SEMA3A: variants seen among roughly 807,000 people sequenced by gnomAD.
SEMA3A encodes the protein semaphorin-3A.
A neutral mutation model predicts 97.9 loss-of-function variants in SEMA3A; 29 were observed. That is an observed-to-expected ratio of 0.30 (90% CI 0.22 to 0.40). SEMA3A has a LOEUF of 0.40. Ranked by LOEUF, SEMA3A falls within the 10% of genes least tolerant of loss-of-function variation. The probability of loss-of-function intolerance (pLI) is 1.00; values close to 1 mark genes in which losing one functional copy is unlikely to be tolerated. For missense variants in SEMA3A, 763 were observed against 951.3 expected (o/e 0.80, Z 2.60); for synonymous variants, 321 against 323.7 (o/e 0.99, Z 0.09).
chr7:84,151,976 T>G (rs1413064265), intron 1 of SEMA3A, among the ~76,000 whole-genome samples: 1 of 150,634 alleles, frequency 6.6e-6, no homozygotes, highest in Non-Finnish European at 1.5e-5. Flanking sequence ...GAAATGCAAA[T>G]CAAAACCACA....
chr7:84,029,200 C>A (rs984655322), intron 6 of SEMA3A, among the ~76,000 whole-genome samples: 1 of 152,104 alleles, frequency 6.6e-6, no homozygotes, highest in Non-Finnish European at 1.5e-5. Context: ...TCTACTAAAT[C>A]GTGACCTATG....
At position 83,977,437 on chromosome 7, in the gene SEMA3A, T is replaced by C. The variant is rs545039850; in HGVS notation, c.1653-241A>G. On this transcript the variant is annotated intron_variant, in intron 14 of 16. Coordinates refer to ENST00000265362, the MANE Select transcript of SEMA3A (RefSeq NM_006080.3). ...AAGATCCAAATGTACTAACAACATG[T>C]TAAAAGTCTTTAAAATAGTGATAAC... Among the ~76,000 whole-genome samples, 5 of 152,204 alleles carry C rather than the reference T, an allele frequency of 3.3e-5. No individual in the cohort carries two copies. In the South Asian group the frequency reaches 1.0e-3, roughly 32 times the overall value.
intron 7 of SEMA3A, among the ~76,000 whole-genome samples, chr7:84,011,795 T>C (rs776815499): frequency 2.0e-5 from 3 of 152,190 alleles, no homozygotes; most frequent in Non-Finnish European, 4.4e-5. Flanking sequence ...AGGTGATGGG[T>C]GTGTTAATTA....
At chr7:84,022,337 C>T (rs1791360505) in intron 6 of SEMA3A, among the ~76,000 whole-genome samples, 1 of 152,088 alleles carries the variant, frequency 6.6e-6, no homozygotes, top group African/African-American at 2.4e-5. Context: ...TCCAGTCACT[C>T]CCATTAAATG....
At chr7:84,158,880 T>C (rs1214626018) in intron 1 of SEMA3A, among the ~76,000 whole-genome samples, 2 of 149,178 alleles carry the variant, frequency 1.3e-5, no homozygotes, top group African/African-American at 4.9e-5. Flanking sequence ...AATTTGTAGA[T>C]TTTCTTTAAA....
chr7:84,135,506 T>C (rs1262827233), intron 1 of SEMA3A, among the ~76,000 whole-genome samples: 1 of 152,198 alleles, frequency 6.6e-6, no homozygotes, highest in Non-Finnish European at 1.5e-5. Flanking sequence ...ATAACTTGTC[T>C]ATACACACTG....
intron 1 of SEMA3A, among the ~76,000 whole-genome samples, chr7:84,488,021 T>G (rs1197168343): frequency 6.6e-6 from 1 of 152,030 alleles, no homozygotes; most frequent in Non-Finnish European, 1.5e-5. Flanking sequence ...ATGTGTTGGT[T>G]TAATAATTAT....
chr7:84,401,950 G>A (rs1015432118), intron 1 of SEMA3A, among the ~76,000 whole-genome samples: 4 of 152,118 alleles, frequency 2.6e-5, no homozygotes, highest in African/African-American at 9.7e-5. Flanking sequence ...GGCAAAGATT[G>A]TTTGAGCACC....
At chr7:84,299,732 A>G (rs528530584) in intron 3 of SEMA3A, among the ~76,000 whole-genome samples, 166 of 151,796 alleles carry the variant, frequency 1.1e-3, no homozygotes, top group Non-Finnish European at 2.1e-3. Flanking sequence ...CCAAACTATA[A>G]ATGACATTCT....
intron 1 of SEMA3A, among the ~76,000 whole-genome samples, chr7:84,462,135 T>C (rs62471990): frequency 1.7e-3 from 263 of 152,256 alleles, no homozygotes; most frequent in Non-Finnish European, 3.3e-3. Context: ...TTAACATTTA[T>C]AAAGCATTTT....
rs540552539 is a variant in SEMA3A, at chr7:84,305,493, C to T, written c.-83+1714G>A. 2.0e-5 allele frequency among the ~76,000 whole-genome samples: 3 copies of T among 152,128 alleles called. No individual in the cohort carries two copies. In the South Asian group the frequency reaches 6.2e-4, roughly 32 times the overall value. Reference sequence around the variant, plus strand: ...TCATTGGTTGACTTCTATCCACTATCCTGTTTCAATTCAATGTGTATATTG... The same window carrying T: ...TCATTGGTTGACTTCTATCCACTATTCTGTTTCAATTCAATGTGTATATTG... On this transcript the variant is annotated intron_variant, in intron 3 of 3. Transcript: ENST00000424555.
intron 1 of SEMA3A, among the ~76,000 whole-genome samples, chr7:84,140,191 C>T (rs969347005): frequency 5.3e-5 from 8 of 152,230 alleles, no homozygotes; most frequent in African/African-American, 1.9e-4. Context: ...TTCACCCCTA[C>T]ATACCAAGAC....
Position 84,007,504 on chromosome 7 carries a change from A to C in SEMA3A, c.996-7T>G, listed in dbSNP as rs1000788432. The C allele has an allele frequency of 1.4e-5, 22 of 1,525,916 alleles. No homozygotes were observed. The highest frequency in any genetic ancestry group is 1.8e-5 in the Non-Finnish European group (20 of 1,133,836). 94.5% of individuals were successfully genotyped at this position (1,525,916 alleles called of 1,614,324 possible). The stretch of plus-strand genomic sequence containing the variant: ...TGATCCCTTGAAAATGTTACTGAAC[A>C]AGACAGCAAGAATAAAAACAGAAGT... On this transcript the variant is annotated splice_polypyrimidine_tract_variant and splice_region_variant and intron_variant, in intron 9 of 16. Transcript: ENST00000265362.
At chr7:84,150,368 G>A (rs1796597229) in intron 1 of SEMA3A, among the ~76,000 whole-genome samples, 1 of 152,176 alleles carries the variant, frequency 6.6e-6, no homozygotes, top group South Asian at 2.1e-4. Context: ...AGTGGGCGCA[G>A]GTCAGTGGGT....
intron 1 of SEMA3A, among the ~76,000 whole-genome samples, chr7:84,465,321 A>AT (rs1416089761): frequency 1.3e-5 from 2 of 152,092 alleles, no homozygotes; most frequent in Admixed American, 6.6e-5. Flanking sequence ...CAAATAACTC[A>AT]TTTTTTTCTC....
At chr7:84,365,451 T>A (rs1802824206) in intron 2 of SEMA3A, among the ~76,000 whole-genome samples, 1 of 150,946 alleles carries the variant, frequency 6.6e-6, no homozygotes, top group Admixed American at 6.7e-5. Flanking sequence ...GTCACAGAGC[T>A]CATAGGTATT....
intron 1 of SEMA3A, among the ~76,000 whole-genome samples, chr7:84,144,886 G>A (rs146730194): frequency 1.0e-3 from 158 of 152,226 alleles, no homozygotes; most frequent in Non-Finnish European, 1.7e-3. Flanking sequence ...CCTGGCTAGA[G>A]ATTTTCATTA....
chr7:84,180,873 T>C (rs2116235572), intron 1 of SEMA3A, among the ~76,000 whole-genome samples: 1 of 152,268 alleles, frequency 6.6e-6, no homozygotes, highest in Middle Eastern at 3.4e-3. Flanking sequence ...ACTCAAGATG[T>C]GGAGGCTATT....
intron 12 of SEMA3A, among the ~76,000 whole-genome samples, chr7:83,993,725 C>A (rs1309670587): frequency 4.7e-5 from 5 of 105,328 alleles, no homozygotes; most frequent in Admixed American, 9.9e-5. Context: ...GTAACCCGAC[C>A]TTTCTCTCTG....
Sources: allele counts gnomAD v4.1 joint callset (sites outside exome capture counted in the v4.1 genomes callset), GRCh38; gene constraint gnomAD v4.1.1; transcripts MANE v1.5; gene names NCBI Gene and HGNC (gene_info 2026-07-23, HGNC 2026-07-21).